The following MYOCD variants were observed in gnomAD, a reference collection of about 807,000 sequenced individuals.
MYOCD encodes the protein myocardin.
A neutral mutation model predicts 96.1 loss-of-function variants in MYOCD; 32 were observed. The observed-to-expected ratio is 0.33, with a 90% confidence interval of 0.25 to 0.45. MYOCD has a LOEUF of 0.45. MYOCD is among the 20% of genes least tolerant of loss of function. The pLI is 1.00. For synonymous variants in MYOCD, 469 were observed against 469.0 expected (o/e 1.00, Z 0.00); for missense variants, 1,133 against 1,200.6 (o/e 0.94, Z 0.83).
chr17:12,693,989 C>T (rs1305624556), intron 1 of MYOCD, among the ~76,000 whole-genome samples: 1 of 152,078 alleles, frequency 6.6e-6, no homozygotes, highest in Non-Finnish European at 1.5e-5. Flanking sequence ...GAAAAGACAC[C>T]AAGAACTCAC....
intron 1 of MYOCD, among the ~76,000 whole-genome samples, chr17:12,682,333 C>A (rs942253887): frequency 6.6e-6 from 1 of 152,214 alleles, no homozygotes; most frequent in Admixed American, 6.5e-5. Context: ...ACAGTATCAG[C>A]TTCCAGCTCT....
Position 12,700,753 on chromosome 17 carries a change from GA to G in MYOCD, c.56-4372del, listed in dbSNP as rs574931864. Among the ~76,000 whole-genome samples the G allele has an allele frequency of 2.4e-4, 37 of 152,136 alleles. 1 individual carries two copies. In the South Asian group the frequency reaches 6.7e-3, roughly 27 times the overall value. ...TCATTTGATTAAGATCTATGATATTGAAAGATAAAATAATTGAGAATTCTTA... is the reference window on the plus strand; with the variant it reads ...TCATTTGATTAAGATCTATGATATTGAAGATAAAATAATTGAGAATTCTTA... On this transcript the variant is annotated intron_variant, in intron 1 of 13. Coordinates refer to ENST00000425538, the MANE Select transcript of MYOCD (RefSeq NM_001146312.3).
At chr17:12,745,463 C>A (rs775559212) in intron 8 of MYOCD, among the ~76,000 whole-genome samples, 1 of 152,160 alleles carries the variant, frequency 6.6e-6, no homozygotes, top group African/African-American at 2.4e-5. Flanking sequence ...CCCGCCTCGG[C>A]CTCCCAAAGT....
At chr17:12,666,998 C>T (rs1380342351) in intron 1 of MYOCD, among the ~76,000 whole-genome samples, 1 of 152,196 alleles carries the variant, frequency 6.6e-6, no homozygotes, top group Non-Finnish European at 1.5e-5. Context: ...CAACACTTGA[C>T]TTCTGAAGTT....
intron 1 of MYOCD, among the ~76,000 whole-genome samples, chr17:12,667,593 A>T (rs577071125): frequency 6.6e-6 from 1 of 152,310 alleles, no homozygotes; most frequent in African/African-American, 2.4e-5. Context: ...GTTTTCTATG[A>T]GGCTGCATTC....
chr17:12,734,767 C>T (rs2150702101), intron 5 of MYOCD, among the ~76,000 whole-genome samples: 1 of 152,246 alleles, frequency 6.6e-6, no homozygotes, highest in African/African-American at 2.4e-5. Flanking sequence ...CCTCGGCCTC[C>T]CAAAGTGCTG....
rs374815443 is a variant in MYOCD, at chr17:12,725,907, A to C, written c.415+2899A>C. Among the ~76,000 whole-genome samples, 37 of 152,320 alleles carry C rather than the reference A, an allele frequency of 2.4e-4. No homozygotes were observed. In the East Asian group the frequency reaches 6.4e-3, roughly 26 times the overall value. ...GAGTTTTTTTAAACGCTTTTAAAGC[A>C]TATCAAAAGATGATGAGGTGGCTTT... On this transcript the variant is annotated intron_variant, in intron 5 of 13. Coordinates refer to ENST00000425538, the MANE Select transcript of MYOCD (RefSeq NM_001146312.3).
chr17:12,758,189 A>G lies in MYOCD; in HGVS notation c.2307A>G (p.Pro769=). ...SSAISEVTQP[P]SYEDAVKQQM... The stretch of plus-strand genomic sequence containing the variant: ...CAATTTCAGAGGTAACACAGCCTCC[A>G]TCCTATGAAGATGCCGTAAAGCAGG... The change falls in exon 12 of 14, where the codon CCA becomes CCG. Residue 769 remains proline, a synonymous_variant. Coordinates refer to ENST00000425538, the MANE Select transcript of MYOCD (RefSeq NM_001146312.3). 1 of 1,614,172 alleles carries G rather than the reference A, an allele frequency of 6.2e-7. No homozygotes were observed. Among genetic ancestry groups the G allele is most frequent in the Non-Finnish European group, 8.5e-7 (1 of 1,179,986 alleles).
At chr17:12,748,850 T>G (rs2032746321) in intron 9 of MYOCD, among the ~76,000 whole-genome samples, 1 of 152,164 alleles carries the variant, frequency 6.6e-6, no homozygotes, top group Non-Finnish European at 1.5e-5. Flanking sequence ...CCAGCAAGAC[T>G]ATAGGGTAAA....
At chr17:12,734,073 C>T (rs1262029938) in intron 5 of MYOCD, among the ~76,000 whole-genome samples, 5 of 150,950 alleles carry the variant, frequency 3.3e-5, no homozygotes, top group Non-Finnish European at 5.9e-5. Flanking sequence ...AAACCACCCT[C>T]TCTCCCCTTC....
Position 12,765,038 on chromosome 17 carries a change from T to C in MYOCD, c.*1394T>C, listed in dbSNP as rs891257117. 2.0e-5 allele frequency: 3 copies of C among 152,168 alleles called. No homozygotes were observed. The highest frequency in any genetic ancestry group is 1.9e-4 in the East Asian group (1 of 5,192). The allele number at this position is 152,168 out of a possible 1,614,324, so 9.4% of individuals were successfully genotyped here. ...ATTGTAAAGACAAATATGGATGATATTTACAAGAGAGAATTTCAGATCTGG... is the reference window on the plus strand; with the variant it reads ...ATTGTAAAGACAAATATGGATGATACTTACAAGAGAGAATTTCAGATCTGG... On this transcript the variant is annotated 3_prime_UTR_variant, in exon 14 of 14. Coordinates refer to ENST00000425538, the MANE Select transcript of MYOCD (RefSeq NM_001146312.3).
intron 1 of MYOCD, among the ~76,000 whole-genome samples, chr17:12,686,798 G>A (rs1191602193): frequency 6.6e-6 from 1 of 152,192 alleles, no homozygotes; most frequent in African/African-American, 2.4e-5. Flanking sequence ...CTGATGGAAA[G>A]GGAAGGGTTC....
chr17:12,759,167 C>T (rs373626104), intron 12 of MYOCD, among the ~76,000 whole-genome samples: 5 of 152,194 alleles, frequency 3.3e-5, no homozygotes, highest in Admixed American at 2.6e-4. Flanking sequence ...AGAACATTTA[C>T]ATCAATTGCT....
At chr17:12,732,706 TTACC>T (rs1347478421) in intron 5 of MYOCD, among the ~76,000 whole-genome samples, 1 of 152,184 alleles carries the variant, frequency 6.6e-6, no homozygotes, top group African/African-American at 2.4e-5. Flanking sequence ...GGGGGATTGA[TTACC>T]TACACCTTTA....
At chr17:12,744,485 G>A (rs1157747288) in intron 8 of MYOCD, 49 bp downstream of exon 8, 2 of 1,549,722 alleles carry the variant, frequency 1.3e-6, no homozygotes, top group East Asian at 2.4e-5. Context: ...GGTTGGGAAG[G>A]GTGTCTATTA....
At chr17:12,724,167 G>A (rs2031929077) in intron 5 of MYOCD, among the ~76,000 whole-genome samples, 1 of 152,084 alleles carries the variant, frequency 6.6e-6, no homozygotes, top group South Asian at 2.1e-4. Flanking sequence ...TCTTGGGCAG[G>A]TAAAAATCTC....
chr17:12,715,608 A>G (rs1030187406), intron 3 of MYOCD, 34 bp downstream of exon 3: 10 of 1,546,570 alleles, frequency 6.5e-6, no homozygotes, highest in Non-Finnish European at 8.9e-6. Context: ...CCAAGCTTAG[A>G]CTATAGGTTA....
chr17:12,756,695 C>CAA (rs11307445), intron 11 of MYOCD, 138 bp downstream of exon 11: 62 of 142,168 alleles, frequency 4.4e-4, no homozygotes, highest in East Asian at 1.1e-3. Flanking sequence ...GACTGCATCT[C>CAA]AAAAAAAAAA....
intron 5 of MYOCD, among the ~76,000 whole-genome samples, chr17:12,735,678 C>G (rs902238343): frequency 6.6e-6 from 1 of 152,146 alleles, no homozygotes; most frequent in Non-Finnish European, 1.5e-5. Flanking sequence ...TCCTTATTAA[C>G]AAAGTTTGCT....
Sources: gnomAD v4.1 joint callset for allele counts (sites outside exome capture counted in the v4.1 genomes callset) on GRCh38, gnomAD v4.1.1 for gene constraint, MANE v1.5 for transcripts, NCBI Gene and HGNC (gene_info 2026-07-23, HGNC 2026-07-21) for gene names.